The following SEPTIN2 variants were observed in gnomAD, a reference collection of about 807,000 sequenced individuals.
SEPTIN2 encodes the protein septin 2.
Under a neutral mutation model 46.5 loss-of-function variants are expected in SEPTIN2, and 34 were observed. That is an observed-to-expected ratio of 0.73 (90% CI 0.56 to 0.97). The LOEUF (loss-of-function observed/expected upper bound fraction) is 0.97. SEPTIN2 is among the 50% of genes least tolerant of loss of function. The probability of loss-of-function intolerance (pLI) is 0.00; values close to 1 mark genes in which losing one functional copy is unlikely to be tolerated. For missense variants in SEPTIN2, 347 were observed against 448.4 expected (o/e 0.77, Z 2.04); for synonymous variants, 175 against 153.4 (o/e 1.14, Z -1.04).
chr2:241,335,246 T>G lies in SEPTIN2; in HGVS notation c.217+34T>G, dbSNP rs202020467. 85 of 1,605,408 alleles carry G rather than the reference T, an allele frequency of 5.3e-5. No homozygotes were observed. In the African/African-American group the frequency reaches 1.1e-3, roughly 20 times the overall value. On this transcript the variant is annotated intron_variant, in intron 4 of 12. Transcript: ENST00000391971. ...ATTCTTATGTTACTGTAAGTGTAAT[T>G]CTACATGAAAGATGCTGAAGACTGC...
intron 10 of SEPTIN2, 72 bp downstream of exon 10, chr2:241,346,321 C>T: frequency 8.4e-7 from 1 of 1,185,368 alleles, no homozygotes; most frequent in Admixed American, 1.9e-5. Flanking sequence ...TCTATGTGTT[C>T]AGCTCAGCCT....
intron 7 of SEPTIN2, among the ~76,000 whole-genome samples, chr2:241,340,552 C>T (rs939490145): frequency 6.6e-6 from 1 of 152,122 alleles, no homozygotes; most frequent in Admixed American, 6.5e-5. Flanking sequence ...CGTTTTTATG[C>T]TAATAAATAC....
chr2:241,322,789 C>CA (rs933273237), intron 1 of SEPTIN2, among the ~76,000 whole-genome samples: 1 of 152,040 alleles, frequency 6.6e-6, no homozygotes, highest in African/African-American at 2.4e-5. Flanking sequence ...CAGTGGGTGG[C>CA]AAACATGTTC....
At chr2:241,328,206 G>A (rs944456580) in intron 3 of SEPTIN2, among the ~76,000 whole-genome samples, 8 of 152,064 alleles carry the variant, frequency 5.3e-5, no homozygotes, top group African/African-American at 1.4e-4. Context: ...AGGCCAGAGC[G>A]GGTGGATCAT....
chr2:241,343,627 C>T (rs1328574822), intron 8 of SEPTIN2, 125 bp from the exon 9 acceptor site: 12 of 1,031,842 alleles, frequency 1.2e-5, no homozygotes, highest in Non-Finnish European at 1.7e-5. Flanking sequence ...TTACATACCC[C>T]CAGCTTTCCA....
chr2:241,340,843 G>A (rs1276967479), intron 7 of SEPTIN2, among the ~76,000 whole-genome samples: 2 of 152,054 alleles, frequency 1.3e-5, no homozygotes, highest in Non-Finnish European at 2.9e-5. Context: ...AGAACCTCTT[G>A]CCTCCTGCCA....
chr2:241,322,089 C>T (rs1001794485), intron 1 of SEPTIN2, among the ~76,000 whole-genome samples: 1 of 152,130 alleles, frequency 6.6e-6, no homozygotes, highest in Non-Finnish European at 1.5e-5. Flanking sequence ...TAGCTGGGAA[C>T]ATTTCCAGTC....
At chr2:241,332,217 A>T (rs1444894635) in intron 3 of SEPTIN2, among the ~76,000 whole-genome samples, 1 of 152,242 alleles carries the variant, frequency 6.6e-6, no homozygotes, top group Non-Finnish European at 1.5e-5. Flanking sequence ...TGCCTTCTTG[A>T]AAAGACATCA....
rs963878425 is a variant in SEPTIN2 at position 241,353,952 on chromosome 2, A to G, written c.*2015A>G. On this transcript the variant is annotated 3_prime_UTR_variant, in exon 13 of 13. Coordinates refer to ENST00000391971, the MANE Select transcript of SEPTIN2 (RefSeq NM_004404.5). ...ACCTATAGAAATGTATTTTGAAAAC[A>G]CTTATTTTACACAGCAATTTTGTAT... The G allele has an allele frequency of 2.0e-5, 3 of 152,408 alleles. No homozygotes were observed. The highest frequency in any genetic ancestry group is 4.8e-5 in the African/African-American group (2 of 41,462). The allele number at this position is 152,408 out of a possible 1,614,324, so 9.4% of individuals were successfully genotyped here.
chr2:241,335,087 T>TGAATAA (rs2079718241), intron 3 of SEPTIN2, 39 bp from the exon 4 acceptor site: 1 of 1,412,624 alleles, frequency 7.1e-7, no homozygotes, highest in Non-Finnish European at 1.0e-6. Flanking sequence ...TGGTGTCATA[T>TGAATAA]GAATAAGGTC....
chr2:241,324,247 ATCATACT>A lies in SEPTIN2; in HGVS notation c.9+11_9+17del, dbSNP rs1178856105. Reference sequence around the variant, plus strand: ...CTTCACAAAAGATGTCTAAGGTAAGATCATACTTCATGTATCTACAGCATAAGGAGAA... The same window carrying A: ...CTTCACAAAAGATGTCTAAGGTAAGATCATGTATCTACAGCATAAGGAGAA... On this transcript the variant is annotated splice_region_variant and intron_variant, in intron 2 of 12. Coordinates refer to ENST00000391971, the MANE Select transcript of SEPTIN2 (RefSeq NM_004404.5). The A allele has an allele frequency of 6.2e-7, 1 of 1,609,284 alleles. No individual in the cohort carries two copies. Among genetic ancestry groups the A allele is most frequent in the Non-Finnish European group, 8.5e-7 (1 of 1,177,834 alleles).
At chr2:241,342,522 G>A (rs1213131454) in intron 7 of SEPTIN2, among the ~76,000 whole-genome samples, 1 of 148,176 alleles carries the variant, frequency 6.7e-6, no homozygotes, top group Admixed American at 6.8e-5. Flanking sequence ...TACCTTTCTA[G>A]CAGTTTTGTA....
At position 241,353,506 on chromosome 2, in the gene SEPTIN2, TTAAA is replaced by T. The variant is rs1300066524; in HGVS notation, c.*1573_*1576del. Reference sequence around the variant, plus strand: ...CTAGAAAAAACATAAAATGAGGCAGTTAAATAATAATAGTTAATGAAGGTGTGCT... The same window carrying T: ...CTAGAAAAAACATAAAATGAGGCAGTTAATAATAGTTAATGAAGGTGTGCT... On this transcript the variant is annotated 3_prime_UTR_variant, in exon 13 of 13. Coordinates refer to ENST00000391971, the MANE Select transcript of SEPTIN2 (RefSeq NM_004404.5). 1.3e-5 allele frequency: 2 copies of T among 152,176 alleles called. No individual in the cohort carries two copies. The highest frequency in any genetic ancestry group is 2.9e-5 in the Non-Finnish European group (2 of 68,036). 9.4% of individuals were successfully genotyped at this position (152,176 alleles called of 1,614,324 possible).
intron 5 of SEPTIN2, 92 bp downstream of exon 5, chr2:241,336,190 G>C: frequency 7.7e-7 from 1 of 1,306,134 alleles, no homozygotes; most frequent in East Asian, 2.5e-5. Flanking sequence ...ATTAAGTTTG[G>C]GATTGCTGTA....
chr2:241,335,866 A>G (rs1247135958), intron 4 of SEPTIN2, 109 bp from the exon 5 acceptor site: 4 of 1,388,750 alleles, frequency 2.9e-6, no homozygotes, highest in Non-Finnish European at 4.1e-6. Context: ...TCTTTGGAGA[A>G]CCTACCTCTG....
At chr2:241,348,068 T>G in intron 10 of SEPTIN2, 66 bp from the exon 11 acceptor site, 1 of 1,285,948 alleles carries the variant, frequency 7.8e-7, no homozygotes, top group Non-Finnish European at 1.1e-6. Context: ...AAAGTAGAAT[T>G]TTTTGGGGGG....
intron 3 of SEPTIN2, among the ~76,000 whole-genome samples, chr2:241,334,779 C>T (rs1252651586): frequency 6.6e-6 from 1 of 152,212 alleles, no homozygotes; most frequent in East Asian, 1.9e-4. Flanking sequence ...TAATTGAAAA[C>T]CTGCTTTGCA....
At chr2:241,320,284 A>G (rs560676952) in intron 1 of SEPTIN2, 24 of 471,066 alleles carry the variant, frequency 5.1e-5, no homozygotes, top group South Asian at 3.3e-4. Context: ...GGTCCTTTTC[A>G]TTGGTATGTC....
intron 10 of SEPTIN2, among the ~76,000 whole-genome samples, chr2:241,347,829 C>T (rs942210803): frequency 3.3e-5 from 5 of 152,076 alleles, no homozygotes; most frequent in East Asian, 3.9e-4. Flanking sequence ...GCCTGGCCAA[C>T]GTGGCAAAAC....
Sources: allele counts gnomAD v4.1 joint callset (sites outside exome capture counted in the v4.1 genomes callset), GRCh38; gene constraint gnomAD v4.1.1; transcripts MANE v1.5; gene names NCBI Gene and HGNC (gene_info 2026-07-23, HGNC 2026-07-21).